The following KCNMA1 variants were observed in gnomAD, a reference collection of about 807,000 sequenced individuals.
KCNMA1 encodes the protein Calcium-activated potassium channel subunit alpha-1.
KCNMA1 carries 29 observed loss-of-function variants against 140.0 expected under a neutral mutation model. The observed-to-expected ratio is 0.21, with a 90% CI of 0.15 to 0.28. The LOEUF is 0.28. Ranked by LOEUF, KCNMA1 falls within the 10% of genes least tolerant of loss-of-function variation. KCNMA1 has a pLI of 1.00. For synonymous variants in KCNMA1, 612 were observed against 611.9 expected (o/e 1.00, Z 0.00); for missense variants, 880 against 1,602.2 (o/e 0.55, Z 7.70).
intron 12 of KCNMA1, among the ~76,000 whole-genome samples, chr10:77,083,659 TC>T (rs1565986432): frequency 6.6e-6 from 1 of 151,544 alleles, no homozygotes; most frequent in African/African-American, 2.4e-5. Context: ...CAAGACCCTG[TC>T]CCTACTAAAA....
intron 16 of KCNMA1, among the ~76,000 whole-genome samples, chr10:77,024,337 A>C (rs1236770014): frequency 6.6e-6 from 1 of 152,090 alleles, no homozygotes; most frequent in Non-Finnish European, 1.5e-5. Flanking sequence ...ACATGTACTC[A>C]AAAAAACAAC....
At chr10:76,959,527 C>T (rs2070033591) in intron 20 of KCNMA1, among the ~76,000 whole-genome samples, 1 of 152,148 alleles carries the variant, frequency 6.6e-6, no homozygotes, top group Admixed American at 6.5e-5. Context: ...ATATTTCATG[C>T]CCTGAATACA....
intron 1 of KCNMA1, among the ~76,000 whole-genome samples, chr10:77,567,308 C>T (rs922209582): frequency 2.6e-5 from 4 of 152,194 alleles, no homozygotes; most frequent in African/African-American, 7.2e-5. Flanking sequence ...ATCAGAACCC[C>T]GCCATCCATC....
At chr10:76,927,650 T>C (rs892929912) in intron 23 of KCNMA1, among the ~76,000 whole-genome samples, 1 of 152,232 alleles carries the variant, frequency 6.6e-6, no homozygotes, top group East Asian at 1.9e-4. Flanking sequence ...AAGCCCTTTC[T>C]ACATGTGGTT....
intron 5 of KCNMA1, among the ~76,000 whole-genome samples, chr10:77,179,001 T>C (rs1380135897): frequency 1.3e-5 from 2 of 152,330 alleles, no homozygotes; most frequent in Non-Finnish European, 2.9e-5. Context: ...GCTGCCTTAT[T>C]TTTTATTCTG....
At chr10:77,263,211 A>C (rs2062488279) in intron 2 of KCNMA1, among the ~76,000 whole-genome samples, 2 of 152,110 alleles carry the variant, frequency 1.3e-5, no homozygotes, top group Non-Finnish European at 2.9e-5. Context: ...AGGATGCTGG[A>C]ATTTCTCCTT....
At chr10:77,484,375 T>C (rs980474651) in intron 1 of KCNMA1, among the ~76,000 whole-genome samples, 1 of 152,250 alleles carries the variant, frequency 6.6e-6, no homozygotes, top group African/African-American at 2.4e-5. Flanking sequence ...CACCTCCTTA[T>C]AGAAGTTGCC....
intron 1 of KCNMA1, among the ~76,000 whole-genome samples, chr10:77,420,307 C>A (rs554023410): frequency 1.1e-4 from 17 of 152,366 alleles, no homozygotes; most frequent in Admixed American, 3.3e-4. Context: ...CCCCTGCACC[C>A]ACCGGAGGCT....
chr10:77,205,583 AT>A (rs1173988572), intron 3 of KCNMA1, among the ~76,000 whole-genome samples: 5 of 152,134 alleles, frequency 3.3e-5, no homozygotes, highest in African/African-American at 1.2e-4. Flanking sequence ...CCTTCAAAAA[AT>A]ATAGTAATTT....
chr10:77,311,994 C>T (rs1402574559), intron 2 of KCNMA1, among the ~76,000 whole-genome samples: 2 of 152,242 alleles, frequency 1.3e-5, no homozygotes, highest in African/African-American at 4.8e-5. Flanking sequence ...ACTTGCCTCC[C>T]ACCTCACTGA....
Position 77,345,231 on chromosome 10 carries a change from C to T in KCNMA1, c.540+58631G>A, listed in dbSNP as rs140261441. ...TATTTGCCTTCAACTTTCACTGGAC[C>T]CTCTATGTATCAGGCATGGTCTTAA... On this transcript the variant is annotated intron_variant, in intron 2 of 27. Coordinates refer to ENST00000286628, the MANE Select transcript of KCNMA1 (RefSeq NM_001161352.2). 8.9e-3 allele frequency among the ~76,000 whole-genome samples: 1,362 copies of T among 152,272 alleles called. 9 individuals carry two copies. Among genetic ancestry groups the T allele is most frequent in the Non-Finnish European group, 0.014 (958 of 68,020 alleles).
chr10:77,023,442 C>T (rs890744274), intron 16 of KCNMA1, among the ~76,000 whole-genome samples: 2 of 152,130 alleles, frequency 1.3e-5, no homozygotes, highest in Non-Finnish European at 2.9e-5. Context: ...TATATGAGAA[C>T]ATACTTTGTG....
chr10:77,413,297 C>T (rs796254784), intron 1 of KCNMA1, among the ~76,000 whole-genome samples: 5 of 152,246 alleles, frequency 3.3e-5, no homozygotes, highest in African/African-American at 1.2e-4. Context: ...TCCCCGCGGG[C>T]TGCTCTCCTC....
intron 5 of KCNMA1, among the ~76,000 whole-genome samples, chr10:77,121,771 TA>T (rs1482876826): frequency 1.3e-5 from 2 of 152,224 alleles, no homozygotes; most frequent in Non-Finnish European, 2.9e-5. Context: ...AAGGACATTT[TA>T]AAAATGCAAA....
intron 5 of KCNMA1, among the ~76,000 whole-genome samples, chr10:77,153,383 G>GT (rs1410470446): frequency 2.6e-5 from 4 of 151,492 alleles, no homozygotes; most frequent in Middle Eastern, 3.4e-3. Context: ...TTTTCTTTTT[G>GT]TTTTTTGAGA....
chr10:77,304,391 A>C (rs995971285), intron 2 of KCNMA1: 1 of 152,214 alleles, frequency 6.6e-6, no homozygotes, highest in Non-Finnish European at 1.5e-5. Flanking sequence ...TCATACCTCC[A>C]TAGCAGAGGG....
At chr10:77,419,947 G>A (rs1210587125) in intron 1 of KCNMA1, among the ~76,000 whole-genome samples, 2 of 152,234 alleles carry the variant, frequency 1.3e-5, no homozygotes, top group Admixed American at 6.5e-5. Flanking sequence ...CAATGGGCTA[G>A]AGGCCCCAGA....
intron 3 of KCNMA1, among the ~76,000 whole-genome samples, chr10:77,241,231 C>A (rs2057184912): frequency 6.6e-6 from 1 of 152,124 alleles, no homozygotes; most frequent in Middle Eastern, 3.2e-3. Context: ...TCAATTTCTC[C>A]AGCAGGCAGT....
At chr10:77,582,751 C>A (rs371385828) in intron 1 of KCNMA1, among the ~76,000 whole-genome samples, 2 of 152,340 alleles carry the variant, frequency 1.3e-5, no homozygotes, top group African/African-American at 4.8e-5. Context: ...CCATGCCCCT[C>A]GGGGGACTTC....
Sources: allele counts gnomAD v4.1 joint callset (sites outside exome capture counted in the v4.1 genomes callset), GRCh38; gene constraint gnomAD v4.1.1; transcripts MANE v1.5; gene names NCBI Gene and HGNC (gene_info 2026-07-23, HGNC 2026-07-21).